Variants in EYA2 observed in about 807,000 individuals in gnomAD.
EYA2 encodes protein phosphatase EYA2.
EYA2 carries 31 observed loss-of-function variants against 69.2 expected under a neutral mutation model. The ratio of observed to expected loss-of-function variants is 0.45; its 90% confidence interval spans 0.34 to 0.60. The LOEUF is 0.60. Among genes scored for constraint, EYA2 ranks in the 20% least tolerant of loss-of-function variants. The pLI, the probability that EYA2 is intolerant of heterozygous loss-of-function variation, is 0.02. For missense variants in EYA2, 622 were observed against 701.2 expected (o/e 0.89, Z 1.28); for synonymous variants, 257 against 279.4 (o/e 0.92, Z 0.80).
In EYA2 at chr20:47,128,110, G is replaced by T. The variant is rs576315657; in HGVS notation, c.889-14949G>T. Among the ~76,000 whole-genome samples, 417 of 152,302 alleles carry T rather than the reference G, an allele frequency of 2.7e-3. 1 individual carries two copies. Among genetic ancestry groups the T allele is most frequent in the Non-Finnish European group, 4.3e-3 (293 of 68,020 alleles). On this transcript the variant is annotated intron_variant, in intron 9 of 15. Coordinates refer to ENST00000327619, the MANE Select transcript of EYA2 (RefSeq NM_005244.5). ...GGAAAGGCTGGGAGCAGAGAGAGAT[G>T]GTTCTGAGCCCTTCGGGGGCAGCTA...
At chr20:47,148,621 T>C (rs547664929) in intron 10 of EYA2, among the ~76,000 whole-genome samples, 2 of 152,256 alleles carry the variant, frequency 1.3e-5, no homozygotes, top group South Asian at 4.1e-4. Flanking sequence ...GGCATAAATA[T>C]CGACACTCCC....
intron 9 of EYA2, among the ~76,000 whole-genome samples, chr20:47,108,572 T>A (rs939548252): frequency 6.6e-6 from 1 of 152,146 alleles, no homozygotes; most frequent in Non-Finnish European, 1.5e-5. Flanking sequence ...TATCTTTATT[T>A]TTTATTTATT....
intron 5 of EYA2, among the ~76,000 whole-genome samples, chr20:47,019,871 A>T (rs1326297520): frequency 6.6e-6 from 1 of 150,934 alleles, no homozygotes; most frequent in African/African-American, 2.4e-5. Flanking sequence ...CAATATGTTG[A>T]GGTAGGAGGA....
intron 8 of EYA2, 63 bp from the exon 9 acceptor site, chr20:47,097,022 A>C: frequency 8.5e-7 from 1 of 1,180,060 alleles, no homozygotes; most frequent in Non-Finnish European, 1.2e-6. Context: ...GAATTTCTGC[A>C]GACATTAAGT....
chr20:47,074,059 T>A, intron 6 of EYA2, 99 bp from the exon 7 acceptor site: 1 of 1,182,406 alleles, frequency 8.5e-7, no homozygotes, highest in Non-Finnish European at 1.2e-6. Context: ...CACAGAGAGC[T>A]TTTATTCTAA....
chr20:47,173,555 C>T (rs2034372452), intron 12 of EYA2, among the ~76,000 whole-genome samples: 1 of 147,244 alleles, frequency 6.8e-6, no homozygotes, highest in African/African-American at 2.5e-5. Context: ...CAGGCCTCAT[C>T]CTGGGCAACT....
chr20:47,148,076 A>AT (rs1423015456), intron 10 of EYA2, among the ~76,000 whole-genome samples: 3 of 151,396 alleles, frequency 2.0e-5, no homozygotes, highest in Non-Finnish European at 4.4e-5. Context: ...AAAAAAAAGA[A>AT]TAAAAAAAAA....
Position 47,166,393 on chromosome 20 carries a change from T to TTAAAAAAAAAAAAAAAAAAAAAAAA in EYA2, c.979-2746_979-2745insTAAAAAAAAAAAAAAAAAAAAAAAA, listed in dbSNP as rs1555806208. On this transcript the variant is annotated intron_variant, in intron 10 of 15. Coordinates refer to ENST00000327619, the MANE Select transcript of EYA2 (RefSeq NM_005244.5). ...GCTTGGGTGACAGAGCAAGACTGTC[T>TTAAAAAAAAAAAAAAAAAAAAAAAA]AAAAAAAAAAAAAAAAAAAAAAAAA... 5.8e-5 allele frequency among the ~76,000 whole-genome samples: 2 copies of TTAAAAAAAAAAAAAAAAAAAAAAAA among 34,478 alleles called. 1 individual carries two copies. Among genetic ancestry groups the TTAAAAAAAAAAAAAAAAAAAAAAAA allele is most frequent in the African/African-American group, 1.4e-4 (2 of 14,160 alleles). 22.6% of individuals were successfully genotyped at this position (34,478 alleles called of 152,430 possible).
rs565522205 is a variant in EYA2 at position 47,169,160 on chromosome 20, G to A, written c.1000G>A (p.Asp334Asn). The A allele has an allele frequency of 6.2e-7, 1 of 1,613,914 alleles. No individual in the cohort carries two copies. The highest frequency in any genetic ancestry group is 1.7e-5 in the Admixed American group (1 of 60,014). Residue 334 changes from aspartate (D) to asparagine (N), a missense_variant, in exon 11 of 16, where the codon GAT (aspartate) becomes AAT (asparagine). By Grantham distance (23) the Asp-to-Asn change is conservative. Transcript: ENST00000327619. The part of the protein sequence containing the change: ...DLEDCDQIHV[D>N]DVSSDDNGQD... ...ATAGGATTGTGACCAGATCCACGTT[G>A]ATGACGTCTCATCAGATGACAATGG...
At chr20:46,976,797 C>T (rs539859436) in intron 1 of EYA2, among the ~76,000 whole-genome samples, 2 of 143,968 alleles carry the variant, frequency 1.4e-5, no homozygotes, top group African/African-American at 2.4e-5. Flanking sequence ...CTCTGAGGAG[C>T]GACATGCAAA....
rs141379321 is a variant in EYA2 at position 47,072,232 on chromosome 20, G to A, written c.463G>A (p.Gly155Ser). The A allele has an allele frequency of 3.8e-5, 62 of 1,612,364 alleles. No homozygotes were observed. The East Asian group carries it at 5.6e-4, about 14-fold the overall frequency. ...AGGAAATGGACTGGGCAACGCAGCC[G>A]GTTTCGGGAGTGTGCACCAGGTAGA... ...QGGNGLGNAA[G>S]FGSVHQDYPS... Residue 155 changes from glycine to serine, a missense_variant, in exon 6 of 16, where the codon GGT becomes AGT. Gly to Ser is a moderately conservative substitution (Grantham distance 56, BLOSUM62 0). Transcript: ENST00000327619.
chr20:46,927,692 C>T (rs995741488), intron 1 of EYA2, among the ~76,000 whole-genome samples: 1 of 152,198 alleles, frequency 6.6e-6, no homozygotes, highest in Non-Finnish European at 1.5e-5. Flanking sequence ...CACTGGGCCC[C>T]TCCTACAACA....
Position 47,087,694 on chromosome 20 carries a change from T to G in EYA2, c.662-1545T>G, listed in dbSNP as rs573261866. Among the ~76,000 whole-genome samples, 10 of 152,202 alleles carry G rather than the reference T, an allele frequency of 6.6e-5. No individual in the cohort carries two copies. The East Asian group carries it at 1.9e-3, about 29-fold the overall frequency. ...CTAGACAATCGCCGGTGGGCACAAG[T>G]GTGACAGCCTCTCAGTGGGGCCACA... is the stretch of plus-strand genomic sequence containing the variant. On this transcript the variant is annotated intron_variant, in intron 7 of 15. Transcript: ENST00000327619.
chr20:47,023,047 A>G (rs983564446), intron 5 of EYA2, among the ~76,000 whole-genome samples: 1 of 152,104 alleles, frequency 6.6e-6, no homozygotes, highest in African/African-American at 2.4e-5. Context: ...TTGTAATAAA[A>G]AAAAAAGACA....
intron 14 of EYA2, 147 bp downstream of exon 14, chr20:47,181,083 C>G: frequency 8.9e-7 from 1 of 1,123,924 alleles, no homozygotes; most frequent in Non-Finnish European, 1.2e-6. Context: ...CAAAACAGCC[C>G]CCATAGACCA....
intron 1 of EYA2, among the ~76,000 whole-genome samples, chr20:46,983,871 A>G (rs1164580692): frequency 3.3e-5 from 5 of 152,048 alleles, no homozygotes; most frequent in Admixed American, 2.6e-4. Flanking sequence ...TCTGTTTTTC[A>G]TCTCTCTGGG....
At chr20:47,040,810 T>G (rs4810599) in intron 5 of EYA2, among the ~76,000 whole-genome samples, 24,250 of 151,954 alleles carry the variant, frequency 0.16, 1,977 homozygotes, top group Middle Eastern at 0.17. Flanking sequence ...TGTCTTGAAC[T>G]GTCCCTAGAA....
chr20:46,958,510 C>T (rs1979274661), intron 1 of EYA2, among the ~76,000 whole-genome samples: 1 of 151,986 alleles, frequency 6.6e-6, no homozygotes, highest in Admixed American at 6.5e-5. Flanking sequence ...AAGATAGTAG[C>T]ATTATGGAAA....
chr20:47,036,998 A>T (rs545952626), intron 5 of EYA2, among the ~76,000 whole-genome samples: 1 of 152,252 alleles, frequency 6.6e-6, no homozygotes, highest in South Asian at 2.1e-4. Flanking sequence ...GTTTTTATTG[A>T]CTCATAGTTT....
Sources: allele counts gnomAD v4.1 joint callset (sites outside exome capture counted in the v4.1 genomes callset), GRCh38; gene constraint gnomAD v4.1.1; transcripts MANE v1.5; gene names NCBI Gene and HGNC (gene_info 2026-07-23, HGNC 2026-07-21).